The following NRXN3 variants were observed in gnomAD, a reference collection of about 807,000 sequenced individuals.
The protein encoded by NRXN3 is neurexin III.
Under a neutral mutation model 137.6 loss-of-function variants are expected in NRXN3, and 32 were observed. The ratio of observed to expected loss-of-function variants is 0.23; its 90% CI spans 0.18 to 0.31. NRXN3 has a LOEUF of 0.31. NRXN3 is among the 10% of genes least tolerant of loss of function. NRXN3 has a pLI of 1.00. For missense variants in NRXN3, 1,574 were observed against 2,062.5 expected (o/e 0.76, Z 4.59); for synonymous variants, 798 against 784.5 (o/e 1.02, Z -0.29).
At chr14:79,535,765 T>C (rs2097205465) in intron 16 of NRXN3, among the ~76,000 whole-genome samples, 1 of 152,144 alleles carries the variant, frequency 6.6e-6, no homozygotes, top group Admixed American at 6.6e-5. Flanking sequence ...ATGCCAAGGA[T>C]TTAACACACC....
intron 15 of NRXN3, among the ~76,000 whole-genome samples, chr14:78,999,211 C>T (rs1052229788): frequency 6.6e-6 from 1 of 152,036 alleles, no homozygotes; most frequent in Non-Finnish European, 1.5e-5. Flanking sequence ...TGCTACATGC[C>T]TACGGAAGAA....
At chr14:79,125,239 G>T (rs551427913) in intron 15 of NRXN3, among the ~76,000 whole-genome samples, 1 of 152,066 alleles carries the variant, frequency 6.6e-6, no homozygotes, top group African/African-American at 2.4e-5. Context: ...TCCCTGTCAC[G>T]TTCTATCATA....
chr14:79,517,144 A>G (rs941379844), intron 16 of NRXN3, among the ~76,000 whole-genome samples: 1 of 144,376 alleles, frequency 6.9e-6, no homozygotes, highest in African/African-American at 2.5e-5. Flanking sequence ...ACCAATAGAG[A>G]CTGTGGTCAC....
chr14:78,915,626 G>A (rs943287240), intron 10 of NRXN3, among the ~76,000 whole-genome samples: 1 of 152,112 alleles, frequency 6.6e-6, no homozygotes, highest in Non-Finnish European at 1.5e-5. Context: ...AGACAGGATT[G>A]CTTAATTCTC....
intron 8 of NRXN3, among the ~76,000 whole-genome samples, chr14:78,777,715 G>A (rs1001050584): frequency 3.3e-5 from 5 of 152,120 alleles, no homozygotes; most frequent in South Asian, 2.1e-4. Context: ...AAAAAATTAG[G>A]TGGTGCCTTT....
At chr14:79,627,923 C>G (rs757465303) in intron 16 of NRXN3, among the ~76,000 whole-genome samples, 3 of 151,954 alleles carry the variant, frequency 2.0e-5, no homozygotes, top group Non-Finnish European at 4.4e-5. Context: ...AGTCTTAACA[C>G]GGCATTTTAA....
At chr14:78,926,641 T>A (rs1178339939) in intron 10 of NRXN3, among the ~76,000 whole-genome samples, 4 of 99,490 alleles carry the variant, frequency 4.0e-5, no homozygotes, top group East Asian at 4.6e-4. Flanking sequence ...AATATATATT[T>A]ATATATAATA....
intron 18 of NRXN3, among the ~76,000 whole-genome samples, chr14:79,697,034 T>G (rs1207067466): frequency 6.6e-6 from 1 of 151,912 alleles, no homozygotes; most frequent in Non-Finnish European, 1.5e-5. Flanking sequence ...CAATGAAGAT[T>G]TATAGGAAAT....
At chr14:78,855,816 G>A (rs1469352034) in intron 10 of NRXN3, among the ~76,000 whole-genome samples, 1 of 152,150 alleles carries the variant, frequency 6.6e-6, no homozygotes, top group African/African-American at 2.4e-5. Flanking sequence ...ATTCTAAGGA[G>A]AGCTTGTTAC....
At chr14:79,673,366 T>C (rs936284152) in intron 17 of NRXN3, among the ~76,000 whole-genome samples, 4 of 152,118 alleles carry the variant, frequency 2.6e-5, no homozygotes, top group Non-Finnish European at 4.4e-5. Context: ...ATGGTAGATA[T>C]ATAGCACAGC....
chr14:79,641,796 C>T (rs549709476), intron 16 of NRXN3, among the ~76,000 whole-genome samples: 9 of 135,436 alleles, frequency 6.6e-5, no homozygotes, highest in African/African-American at 2.2e-4. Context: ...TTGAGTTCTC[C>T]CAGTTGTTCT....
intron 6 of NRXN3, among the ~76,000 whole-genome samples, chr14:78,701,292 C>T (rs1487120579): frequency 6.6e-6 from 1 of 152,180 alleles, no homozygotes; most frequent in Non-Finnish European, 1.5e-5. Flanking sequence ...GATCATTTTC[C>T]TTTCACAAAG....
intron 16 of NRXN3, among the ~76,000 whole-genome samples, chr14:79,582,063 T>C (rs1825632126): frequency 1.3e-5 from 2 of 152,198 alleles, no homozygotes; most frequent in Non-Finnish European, 2.9e-5. Flanking sequence ...TAGCTAGGAC[T>C]ATAGGCACCT....
At chr14:78,260,276 G>A (rs2070463161) in intron 2 of NRXN3, among the ~76,000 whole-genome samples, 1 of 152,200 alleles carries the variant, frequency 6.6e-6, no homozygotes, top group African/African-American at 2.4e-5. Context: ...AAAAGACCCT[G>A]TGAAGTTCAG....
chr14:78,963,728 C>G (rs559296551), intron 11 of NRXN3, among the ~76,000 whole-genome samples: 1 of 152,124 alleles, frequency 6.6e-6, no homozygotes, highest in Non-Finnish European at 1.5e-5. Context: ...GTTGTCAAAA[C>G]ACTGCATAGA....
chr14:78,470,927 T>C (rs2095252849), intron 4 of NRXN3, among the ~76,000 whole-genome samples: 1 of 152,150 alleles, frequency 6.6e-6, no homozygotes, highest in Admixed American at 6.5e-5. Context: ...GTCAGATAGC[T>C]AGTGTCAAAA....
intron 1 of NRXN3, among the ~76,000 whole-genome samples, chr14:78,176,079 T>C (rs1410489399): frequency 2.6e-5 from 4 of 152,190 alleles, no homozygotes; most frequent in Admixed American, 6.5e-5. Flanking sequence ...CACATGGGTT[T>C]AGTGTTGGAG....
At chr14:78,754,465 A>G (rs533927516) in intron 8 of NRXN3, among the ~76,000 whole-genome samples, 58 of 152,284 alleles carry the variant, frequency 3.8e-4, no homozygotes, top group South Asian at 1.7e-3. Context: ...TGCCTAGGAT[A>G]TGTCTTCTTC....
At chr14:79,219,649 C>T (rs959760417) in intron 15 of NRXN3, among the ~76,000 whole-genome samples, 1 of 152,186 alleles carries the variant, frequency 6.6e-6, no homozygotes, top group African/African-American at 2.4e-5. Flanking sequence ...AAGGATTCCA[C>T]ATACCGGTTT....
Sources: allele counts gnomAD v4.1 joint callset (sites outside exome capture counted in the v4.1 genomes callset), GRCh38; gene constraint gnomAD v4.1.1; transcripts MANE v1.5; gene names NCBI Gene and HGNC (gene_info 2026-07-23, HGNC 2026-07-21).